The following ANXA4 variants were observed in gnomAD, a reference collection of about 807,000 sequenced individuals.
The protein encoded by ANXA4 is annexin A4.
In ANXA4, 39 loss-of-function variants were observed where a neutral mutation model predicts 49.8. That is an observed-to-expected ratio of 0.78 (90% CI 0.61 to 1.02). The LOEUF (loss-of-function observed/expected upper bound fraction) is 1.02. Among genes scored for constraint, ANXA4 ranks in the 50% least tolerant of loss-of-function variants. ANXA4 has a pLI of 0.00. For missense variants in ANXA4, 360 were observed against 410.1 expected (o/e 0.88, Z 1.05); for synonymous variants, 134 against 152.5 (o/e 0.88, Z 0.89).
intron 2 of ANXA4, among the ~76,000 whole-genome samples, chr2:69,702,936 G>T (rs1358792842): frequency 6.6e-6 from 1 of 152,118 alleles, no homozygotes; most frequent in Non-Finnish European, 1.5e-5. Flanking sequence ...CTTCATAACA[G>T]TATTATAAAT....
intron 2 of ANXA4, among the ~76,000 whole-genome samples, chr2:69,656,998 A>G (rs1231083382): frequency 1.5e-5 from 2 of 135,730 alleles, no homozygotes; most frequent in Non-Finnish European, 1.6e-5. Flanking sequence ...CACTATATTC[A>G]TTTTTTTTTT....
At chr2:69,796,928 G>C (rs1454554867) in intron 3 of ANXA4, among the ~76,000 whole-genome samples, 1 of 152,144 alleles carries the variant, frequency 6.6e-6, no homozygotes, top group East Asian at 1.9e-4. Flanking sequence ...GTCTCGCGGG[G>C]CAAAGAAAGC....
At chr2:69,688,602 A>G (rs1183202410) in intron 2 of ANXA4, among the ~76,000 whole-genome samples, 1 of 152,226 alleles carries the variant, frequency 6.6e-6, no homozygotes, top group Non-Finnish European at 1.5e-5. Flanking sequence ...TAAATGCTTC[A>G]TTACCTGTGA....
At chr2:69,816,641 A>G (rs1217710384) in intron 9 of ANXA4, 1 of 152,958 alleles carries the variant, frequency 6.5e-6, no homozygotes, top group African/African-American at 2.4e-5. Flanking sequence ...TATAAGATGA[A>G]TAGTGGATAA....
intron 1 of ANXA4, among the ~76,000 whole-genome samples, chr2:69,765,095 CA>C (rs1671446183): frequency 6.6e-6 from 1 of 152,166 alleles, no homozygotes; most frequent in Admixed American, 6.5e-5. Context: ...CACACACACA[CA>C]CACCACATTG....
intron 3 of ANXA4, among the ~76,000 whole-genome samples, chr2:69,733,892 A>T (rs1047644514): frequency 6.6e-6 from 1 of 150,700 alleles, no homozygotes; most frequent in Non-Finnish European, 1.5e-5. Context: ...TTTTATGCTT[A>T]CTCATCCTTG....
At chr2:69,774,611 A>T (rs1230876933) in intron 1 of ANXA4, among the ~76,000 whole-genome samples, 1 of 152,008 alleles carries the variant, frequency 6.6e-6, no homozygotes, top group Non-Finnish European at 1.5e-5. Context: ...AAGTGCAGAG[A>T]TTACAGGCGT....
chr2:69,656,551 C>CTTTTTT (rs34322550), intron 2 of ANXA4, among the ~76,000 whole-genome samples: 4 of 103,994 alleles, frequency 3.8e-5, no homozygotes, highest in Non-Finnish European at 5.4e-5. Flanking sequence ...ACAGTAGTTC[C>CTTTTTT]TTTTTTTTTT....
chr2:69,720,529 A>G (rs918106329), intron 2 of ANXA4, among the ~76,000 whole-genome samples: 2 of 152,204 alleles, frequency 1.3e-5, no homozygotes, highest in Non-Finnish European at 2.9e-5. Context: ...ACCTTCCAAG[A>G]GTGCAAAGTT....
chr2:69,650,358 T>C (rs7567691), intron 1 of ANXA4, among the ~76,000 whole-genome samples: 76,796 of 152,102 alleles, frequency 0.5, 21,544 homozygotes, highest in East Asian at 0.81. Flanking sequence ...TTGTTCTCCA[T>C]TCACTGATCC....
intron 2 of ANXA4, among the ~76,000 whole-genome samples, chr2:69,677,240 AT>A (rs1409768196): frequency 1.3e-5 from 2 of 151,928 alleles, no homozygotes; most frequent in South Asian, 4.2e-4. Flanking sequence ...TAAATATATA[AT>A]TTTTTTTGAG....
chr2:69,726,522 T>C (rs537304699), intron 3 of ANXA4, among the ~76,000 whole-genome samples: 1 of 152,292 alleles, frequency 6.6e-6, no homozygotes, highest in African/African-American at 2.4e-5. Context: ...TTCTTTAATA[T>C]AAACTTTTAA....
intron 3 of ANXA4, among the ~76,000 whole-genome samples, chr2:69,728,712 C>T (rs1353569338): frequency 6.6e-6 from 1 of 152,200 alleles, no homozygotes; most frequent in African/African-American, 2.4e-5. Flanking sequence ...GTCTTCCATT[C>T]CGTTTGTCTA....
chr2:69,777,145 C>T (rs1044085280), intron 1 of ANXA4, among the ~76,000 whole-genome samples: 6 of 152,160 alleles, frequency 3.9e-5, no homozygotes, highest in African/African-American at 1.2e-4. Context: ...CCTCTCCAGG[C>T]GCACGTCTTC....
intron 2 of ANXA4, among the ~76,000 whole-genome samples, chr2:69,661,960 C>T (rs142961934): frequency 4.3e-4 from 66 of 152,204 alleles, no homozygotes; most frequent in Non-Finnish European, 7.1e-4. Context: ...CAGATGTAGT[C>T]GAGGTGTTCT....
chr2:69,728,018 GT>G (rs1246202180), intron 3 of ANXA4, among the ~76,000 whole-genome samples: 3 of 152,162 alleles, frequency 2.0e-5, no homozygotes, highest in African/African-American at 7.2e-5. Context: ...GTTAAATATG[GT>G]TATGGATCTT....
At position 69,807,956 on chromosome 2, in the gene ANXA4, C is replaced by G; in HGVS notation, c.357C>G (p.Thr119=). Reference sequence around the variant, plus strand: ...TAATTGAGATCCTGGCCTCCCGGACCCCTGAGGAGATCCGGCGCATAAGCC... The same window carrying G: ...TAATTGAGATCCTGGCCTCCCGGACGCCTGAGGAGATCCGGCGCATAAGCC... The part of the protein sequence containing the change: ...GCLIEILASR[T]PEEIRRISQT... The change falls in exon 6 of 13, where the codon ACC becomes ACG. Residue 119 remains threonine (T), a synonymous_variant. Coordinates refer to ENST00000394295, the MANE Select transcript of ANXA4 (RefSeq NM_001153.5). The G allele has an allele frequency of 1.2e-6, 2 of 1,614,148 alleles. No individual in the cohort carries two copies. The highest frequency in any genetic ancestry group is 1.7e-6 in the Non-Finnish European group (2 of 1,180,020).
intron 2 of ANXA4, among the ~76,000 whole-genome samples, chr2:69,691,597 A>G (rs1057251702): frequency 1.7e-4 from 25 of 149,392 alleles, no homozygotes; most frequent in African/African-American, 6.1e-4. Context: ...ACACACACAC[A>G]CAGACGCATG....
chr2:69,747,279 A>T (rs1023909036), intron 1 of ANXA4, among the ~76,000 whole-genome samples: 1 of 152,364 alleles, frequency 6.6e-6, no homozygotes, highest in East Asian at 1.9e-4. Context: ...CCCTGTGATT[A>T]CTGGGAACAA....
Sources: gnomAD v4.1 joint callset for allele counts (sites outside exome capture counted in the v4.1 genomes callset) on GRCh38, gnomAD v4.1.1 for gene constraint, MANE v1.5 for transcripts, NCBI Gene and HGNC (gene_info 2026-07-23, HGNC 2026-07-21) for gene names.